The following SMCHD1 variants were observed in gnomAD, a reference collection of about 807,000 sequenced individuals.
SMCHD1 encodes the protein structural maintenance of chromosomes flexible hinge domain containing 1, also known as structural maintenance of chromosomes flexible hinge domain-containing protein 1.
In SMCHD1, 78 loss-of-function variants were observed where a neutral mutation model predicts 254.7. The ratio of observed to expected loss-of-function variants is 0.31; its 90% CI spans 0.26 to 0.37. The LOEUF is 0.37. SMCHD1 is among the 10% of genes least tolerant of loss of function. SMCHD1 has a pLI of 1.00. For synonymous variants in SMCHD1, 766 were observed against 794.9 expected (o/e 0.96, Z 0.61); for missense variants, 1,840 against 2,408.1 (o/e 0.76, Z 4.94).
At chr18:2,668,350 C>A (rs1032384369) in intron 3 of SMCHD1, among the ~76,000 whole-genome samples, 8 of 152,098 alleles carry the variant, frequency 5.3e-5, no homozygotes, top group African/African-American at 1.9e-4. Context: ...TACTTATGAG[C>A]GTTGTCTCAT....
chr18:2,678,255 C>CGT lies in SMCHD1; in HGVS notation c.638+4110_638+4111insGT, dbSNP rs746858753. On this transcript the variant is annotated intron_variant, in intron 5 of 47. Coordinates refer to ENST00000320876, the MANE Select transcript of SMCHD1 (RefSeq NM_015295.3). ...TCTTTCTTTCTTTCGTTCTTTCTTT[C>CGT]TCTCTCTCTCTCTCTCTCCCTCTCT... is the stretch of plus-strand genomic sequence containing the variant. Among the ~76,000 whole-genome samples the CGT allele has an allele frequency of 1.9e-3, 225 of 119,454 alleles. 1 individual carries two copies. Among genetic ancestry groups the CGT allele is most frequent in the Non-Finnish European group, 2.2e-3 (124 of 56,446 alleles). The allele number at this position is 119,454 out of a possible 152,430, so 78.4% of individuals were successfully genotyped here. A position where few individuals can be genotyped will look rare whatever the true frequency, so the allele number is the denominator to read the frequency against.
At chr18:2,685,855 A>G (rs1397792824) in intron 5 of SMCHD1, among the ~76,000 whole-genome samples, 1 of 152,188 alleles carries the variant, frequency 6.6e-6, no homozygotes, top group Non-Finnish European at 1.5e-5. Flanking sequence ...CGTTTTGTCT[A>G]TCAGTTCATA....
At chr18:2,722,466 G>A in intron 19 of SMCHD1, 53 bp from the exon 20 acceptor site, 1 of 1,505,722 alleles carries the variant, frequency 6.6e-7, no homozygotes, top group South Asian at 1.3e-5. Context: ...GACCCCCAAT[G>A]GCTTTTCTGA....
At chr18:2,663,803 C>A (rs1056335397) in intron 1 of SMCHD1, among the ~76,000 whole-genome samples, 3 of 151,998 alleles carry the variant, frequency 2.0e-5, no homozygotes, top group Non-Finnish European at 1.5e-5. Context: ...CCAGCTCCAC[C>A]TCCCGGGTTC....
intron 8 of SMCHD1, among the ~76,000 whole-genome samples, chr18:2,695,738 A>G (rs967287391): frequency 2.6e-5 from 4 of 152,208 alleles, no homozygotes; most frequent in South Asian, 4.1e-4. Context: ...TTAAAAATGT[A>G]TCTTTTTACA....
At chr18:2,663,302 G>T (rs768685791) in intron 1 of SMCHD1, among the ~76,000 whole-genome samples, 7 of 151,624 alleles carry the variant, frequency 4.6e-5, no homozygotes, top group Non-Finnish European at 8.8e-5. Flanking sequence ...TGTAGAGATG[G>T]GGTTTTACCA....
At chr18:2,743,507 TAAGAA>T (rs2075390095) in intron 28 of SMCHD1, among the ~76,000 whole-genome samples, 1 of 151,878 alleles carries the variant, frequency 6.6e-6, no homozygotes, top group South Asian at 2.1e-4. Context: ...AGAGGGAAAT[TAAGAA>T]AAGATAAAAT....
chr18:2,700,577 C>G lies in SMCHD1; in HGVS notation c.1381C>G (p.Leu461Val), dbSNP rs1320158689. 6.2e-7 allele frequency: 1 copy of G among 1,611,984 alleles called. No individual in the cohort carries two copies. Among genetic ancestry groups the G allele is most frequent in the Non-Finnish European group, 8.5e-7 (1 of 1,178,816 alleles). ...DEDDEDDCFI[L>V]EKAARGKRPI... ...AGATGATGAAGATGATTGTTTCATACTTGAGAAAGCAGCTAGAGGGAAAAG... is the reference window on the plus strand; with the variant it reads ...AGATGATGAAGATGATTGTTTCATAGTTGAGAAAGCAGCTAGAGGGAAAAG... Residue 461 changes from leucine to valine, a missense_variant, in exon 11 of 48, where the codon CTT becomes GTT. By Grantham distance (32) the Leu-to-Val change is conservative. Around this residue, in one of 9 missense-constraint regions of SMCHD1, gnomAD observed 498 missense variants for 743.5 expected, o/e 0.67. Coordinates refer to ENST00000320876, the MANE Select transcript of SMCHD1 (RefSeq NM_015295.3).
rs182958783 is a variant in SMCHD1, at chr18:2,678,798, A to G, written c.638+4653A>G. Among the ~76,000 whole-genome samples, 5 of 151,500 alleles carry G rather than the reference A, an allele frequency of 3.3e-5. No homozygotes were observed. In the East Asian group the frequency reaches 9.8e-4, roughly 30 times the overall value. On this transcript the variant is annotated intron_variant, in intron 5 of 47. Coordinates refer to ENST00000320876, the MANE Select transcript of SMCHD1 (RefSeq NM_015295.3). ...TCAGTTTTTATCTGAGAATGTCTAG[A>G]ATGTCTTAATCTTTCCGTTTTTTGT...
chr18:2,778,668 G>C (rs2076105900), intron 44 of SMCHD1, among the ~76,000 whole-genome samples: 1 of 152,128 alleles, frequency 6.6e-6, no homozygotes, highest in African/African-American at 2.4e-5. Flanking sequence ...CACAGTTTCA[G>C]GAGGGTTGGT....
At chr18:2,696,568 G>T (rs1028973928) in intron 8 of SMCHD1, among the ~76,000 whole-genome samples, 2 of 152,190 alleles carry the variant, frequency 1.3e-5, no homozygotes, top group Non-Finnish European at 2.9e-5. Context: ...GTGCCAAAAA[G>T]GTTGGGGACT....
At position 2,706,568 on chromosome 18, in the gene SMCHD1, A is replaced by G. The variant is rs2074519128; in HGVS notation, c.2063+98A>G. 5 of 791,258 alleles carry G rather than the reference A, an allele frequency of 6.3e-6. No homozygotes were observed. In the Admixed American group the frequency reaches 1.2e-4, roughly 19 times the overall value. 49.0% of individuals were successfully genotyped at this position (791,258 alleles called of 1,614,324 possible). ...ATGTCATTTACTCTGCTGTTAGGGC[A>G]TTTGTAGTCTTAGATATTGTACCTA... On this transcript the variant is annotated intron_variant, in intron 15 of 47. Transcript: ENST00000320876.
At chr18:2,678,438 C>T (rs575893339) in intron 5 of SMCHD1, among the ~76,000 whole-genome samples, 2 of 151,826 alleles carry the variant, frequency 1.3e-5, no homozygotes, top group African/African-American at 4.8e-5. Context: ...GCTTGGCTTA[C>T]AGGCACATGC....
At chr18:2,685,701 A>G (rs1205278895) in intron 5 of SMCHD1, among the ~76,000 whole-genome samples, 1 of 152,192 alleles carries the variant, frequency 6.6e-6, no homozygotes, top group Non-Finnish European at 1.5e-5. Flanking sequence ...AAGTGGAATT[A>G]TACAGTATTT....
At chr18:2,715,700 T>C (rs2074782084) in intron 17 of SMCHD1, among the ~76,000 whole-genome samples, 1 of 152,016 alleles carries the variant, frequency 6.6e-6, no homozygotes, top group Non-Finnish European at 1.5e-5. Flanking sequence ...AAATTTTTTT[T>C]TAATTTAAGA....
At chr18:2,690,140 A>G (rs2074143093) in intron 7 of SMCHD1, among the ~76,000 whole-genome samples, 1 of 152,350 alleles carries the variant, frequency 6.6e-6, no homozygotes, top group Middle Eastern at 3.4e-3. Flanking sequence ...CAAGTCCTAG[A>G]GAAGCCTACT....
intron 29 of SMCHD1, among the ~76,000 whole-genome samples, chr18:2,744,249 T>A (rs568084775): frequency 3.3e-5 from 5 of 152,332 alleles, no homozygotes; most frequent in African/African-American, 1.2e-4. Context: ...TTTCTACAGT[T>A]ACTGATTTTT....
chr18:2,671,195 C>T (rs1472955761), intron 3 of SMCHD1, among the ~76,000 whole-genome samples: 1 of 152,064 alleles, frequency 6.6e-6, no homozygotes, highest in Non-Finnish European at 1.5e-5. Flanking sequence ...CTCGACCTCC[C>T]AAAGTGCTGG....
At chr18:2,752,363 G>T in intron 33 of SMCHD1, 125 bp from the exon 34 acceptor site, 1 of 685,304 alleles carries the variant, frequency 1.5e-6, no homozygotes, top group Non-Finnish European at 2.7e-6. Context: ...ATATATACCT[G>T]TATGTTTATA....
Sources: gnomAD v4.1 joint callset for allele counts (sites outside exome capture counted in the v4.1 genomes callset) on GRCh38, gnomAD v4.1.1 for gene constraint, gnomAD v4.1.1 regional missense constraint, MANE v1.5 for transcripts, NCBI Gene and HGNC (gene_info 2026-07-23, HGNC 2026-07-21) for gene names.